OR51B5: variants seen among roughly 807,000 people sequenced by gnomAD.
The protein encoded by OR51B5 is olfactory receptor 51B5.
For missense variants in OR51B5, 456 were observed against 374.6 expected, an observed-to-expected ratio of 1.22 and a Z score of -1.79; for synonymous variants, 186 against 144.8, an observed-to-expected ratio of 1.28 and a Z score of -2.04.
At chr11:5,397,131 G>T (rs985351901) in intron 1 of OR51B5, among the ~76,000 whole-genome samples, 1 of 152,128 alleles carries the variant, frequency 6.6e-6, no homozygotes. Flanking sequence ...TACCATTCAG[G>T]ACATAGGCAT....
intron 1 of OR51B5, among the ~76,000 whole-genome samples, chr11:5,439,170 T>A (rs1050579726): frequency 1.3e-5 from 2 of 152,050 alleles, no homozygotes; most frequent in African/African-American, 4.8e-5. Context: ...TTTGCCTGAA[T>A]TTTCAATGTC....
intron 1 of OR51B5, among the ~76,000 whole-genome samples, chr11:5,360,140 A>T (rs1471417506): frequency 4.0e-5 from 6 of 151,570 alleles, no homozygotes; most frequent in African/African-American, 7.3e-5. Context: ...CAAAATGGAC[A>T]AATGGGATCT....
At chr11:5,418,891 G>A (rs1364290068) in intron 1 of OR51B5, among the ~76,000 whole-genome samples, 12 of 46,660 alleles carry the variant, frequency 2.6e-4, no homozygotes, top group South Asian at 7.4e-4. Context: ...AAAAAAAAAA[G>A]CATCATCTGG....
chr11:5,411,474 C>A (rs1410432318), intron 1 of OR51B5, among the ~76,000 whole-genome samples: 1 of 48,830 alleles, frequency 2.0e-5, no homozygotes, highest in Non-Finnish European at 7.2e-5. Flanking sequence ...TGCTAAGTGA[C>A]ACATGACTGT....
chr11:5,385,714 A>ATAAGTATAAG (rs150579480), intron 1 of OR51B5, among the ~76,000 whole-genome samples: 22,015 of 150,540 alleles, frequency 0.15, 1,641 homozygotes, highest in Non-Finnish European at 0.16. Flanking sequence ...CAAAGTATAT[A>ATAAGTATAAG]TATGTGTACA....
intron 1 of OR51B5, among the ~76,000 whole-genome samples, chr11:5,376,762 A>C (rs1849535172): frequency 6.6e-6 from 1 of 152,018 alleles, no homozygotes; most frequent in South Asian, 2.1e-4. Context: ...TAAACCAGGA[A>C]GAAGTTGAAT....
At chr11:5,393,810 T>C (rs11037214) in intron 1 of OR51B5, among the ~76,000 whole-genome samples, 20,159 of 152,098 alleles carry the variant, frequency 0.13, 1,415 homozygotes, top group South Asian at 0.17. Context: ...CAACTTTCCT[T>C]AGTTAAATCA....
chr11:5,384,081 A>C (rs1184641837), intron 1 of OR51B5, among the ~76,000 whole-genome samples: 1 of 152,122 alleles, frequency 6.6e-6, no homozygotes, highest in Non-Finnish European at 1.5e-5. Context: ...TTTTCCCCCA[A>C]ATGTTTGAAT....
intron 1 of OR51B5, among the ~76,000 whole-genome samples, chr11:5,480,031 C>G (rs1462056211): frequency 2.6e-5 from 4 of 151,646 alleles, no homozygotes; most frequent in Admixed American, 2.6e-4. Context: ...ATCTACAGAA[C>G]TCTCCACCCC....
chr11:5,436,710 G>A (rs1850600863), intron 1 of OR51B5, among the ~76,000 whole-genome samples: 1 of 152,230 alleles, frequency 6.6e-6, no homozygotes, highest in Middle Eastern at 3.2e-3. Flanking sequence ...CACAGGCATT[G>A]ATAGAGATTC....
chr11:5,454,421 AAT>A, intron 1 of OR51B5: 1 of 1,603,462 alleles, frequency 6.2e-7, no homozygotes, highest in South Asian at 1.1e-5. Context: ...ACCACATCAA[AAT>A]ATGACTTTCA....
chr11:5,412,807 G>A (rs1295987292), intron 1 of OR51B5, among the ~76,000 whole-genome samples: 1 of 152,038 alleles, frequency 6.6e-6, no homozygotes, highest in African/African-American at 2.4e-5. Context: ...ACTGGGTGGA[G>A]CCCACCACAG....
intron 1 of OR51B5, chr11:5,422,305 T>C: frequency 6.2e-7 from 1 of 1,614,008 alleles, no homozygotes; most frequent in Non-Finnish European, 8.5e-7. Context: ...CCGTCTGCTG[T>C]CTCTACACCA....
chr11:5,480,436 C>T (rs984739303), intron 1 of OR51B5, among the ~76,000 whole-genome samples: 1 of 151,332 alleles, frequency 6.6e-6, no homozygotes, highest in African/African-American at 2.4e-5. Context: ...CCTAACATCA[C>T]AATTAAAAGA....
chr11:5,447,637 CT>C (rs1158471123), intron 1 of OR51B5, among the ~76,000 whole-genome samples: 1 of 152,168 alleles, frequency 6.6e-6, no homozygotes, highest in Admixed American at 6.6e-5. Flanking sequence ...GATTGAGCCT[CT>C]GCAAACTGCA....
At chr11:5,445,360 T>A (rs1850744687) in intron 1 of OR51B5, among the ~76,000 whole-genome samples, 1 of 152,174 alleles carries the variant, frequency 6.6e-6, no homozygotes, top group South Asian at 2.1e-4. Flanking sequence ...ATGTGGAATT[T>A]AAGTGTGTTA....
chr11:5,361,964 G>C (rs977326985), intron 1 of OR51B5, among the ~76,000 whole-genome samples: 1 of 152,182 alleles, frequency 6.6e-6, no homozygotes, highest in African/African-American at 2.4e-5. Flanking sequence ...GTAATGACAA[G>C]GGTATAGACT....
intron 1 of OR51B5, among the ~76,000 whole-genome samples, chr11:5,469,941 C>A (rs559717680): frequency 6.6e-6 from 1 of 152,250 alleles, no homozygotes; most frequent in South Asian, 2.1e-4. Flanking sequence ...TATTTCAGTT[C>A]TCTGCCTTTT....
intron 1 of OR51B5, among the ~76,000 whole-genome samples, chr11:5,479,542 C>G (rs1358775482): frequency 1.3e-5 from 2 of 150,268 alleles, no homozygotes; most frequent in African/African-American, 4.9e-5. Flanking sequence ...GGACTAAATG[C>G]TCCAATTAAA....
Sources: allele counts gnomAD v4.1 joint callset (sites outside exome capture counted in the v4.1 genomes callset), GRCh38; gene constraint gnomAD v4.1.1; transcripts MANE v1.5; gene names NCBI Gene and HGNC (gene_info 2026-07-23, HGNC 2026-07-21).